RABGAP1L: variants seen among roughly 807,000 people sequenced by gnomAD.
RABGAP1L encodes rab GTPase-activating protein 1-like.
Under a neutral mutation model 137.7 loss-of-function variants are expected in RABGAP1L, and 63 were observed. The ratio of observed to expected loss-of-function variants is 0.46; its 90% CI spans 0.37 to 0.56. RABGAP1L has a LOEUF of 0.56. Ranked by LOEUF, RABGAP1L falls within the 20% of genes least tolerant of loss-of-function variation. The pLI is 0.00. For synonymous variants in RABGAP1L, 431 were observed against 433.7 expected, an observed-to-expected ratio of 0.99 and a Z score of 0.08; for missense variants, 1,095 against 1,244.0, an observed-to-expected ratio of 0.88 and a Z score of 1.80.
intron 13 of RABGAP1L, among the ~76,000 whole-genome samples, chr1:174,615,889 A>T (rs1671798622): frequency 6.6e-6 from 1 of 152,242 alleles, no homozygotes; most frequent in Admixed American, 6.5e-5. Context: ...AGCCAGGTGC[A>T]GGATATAATC....
At chr1:174,800,975 T>C (rs569084378) in intron 18 of RABGAP1L, among the ~76,000 whole-genome samples, 107 of 152,336 alleles carry the variant, frequency 7.0e-4, no homozygotes, top group Middle Eastern at 3.4e-3. Context: ...TTTTACCACC[T>C]AAAAATACTT....
Position 174,417,797 on chromosome 1 carries a change from C to T in RABGAP1L, c.1710+23652C>T, listed in dbSNP as rs182851306. ...ATATTGATTTCAAATAATAATATTA[C>T]AGTTAACATAGAAGTCTAAAAGCTG... On this transcript the variant is annotated intron_variant, in intron 13 of 25. Coordinates refer to ENST00000681986, the MANE Select transcript of RABGAP1L (RefSeq NM_001366446.1). 1.3e-3 allele frequency among the ~76,000 whole-genome samples: 190 copies of T among 151,172 alleles called. 1 individual carries two copies. Among genetic ancestry groups the T allele is most frequent in the African/African-American group, 4.5e-3 (186 of 41,300 alleles).
chr1:174,217,608 A>G (rs1238969734), intron 1 of RABGAP1L, among the ~76,000 whole-genome samples: 4 of 152,188 alleles, frequency 2.6e-5, no homozygotes, highest in Admixed American at 1.3e-4. Context: ...CCTGGCTTGT[A>G]ACACATTCTG....
intron 10 of RABGAP1L, among the ~76,000 whole-genome samples, chr1:174,295,452 C>G (rs147032501): frequency 8.6e-5 from 13 of 151,952 alleles, no homozygotes; most frequent in Admixed American, 3.3e-4. Flanking sequence ...GGCGCCATCT[C>G]AGCTCACCGC....
At chr1:174,551,757 GA>G (rs11430299) in intron 13 of RABGAP1L, among the ~76,000 whole-genome samples, 2,234 of 150,834 alleles carry the variant, frequency 0.015, 30 homozygotes, top group Middle Eastern at 0.027. Flanking sequence ...GCTATTTTTG[GA>G]AAAAAAAATT....
intron 11 of RABGAP1L, among the ~76,000 whole-genome samples, chr1:174,316,645 C>T (rs1679402627): frequency 6.6e-6 from 1 of 152,176 alleles, no homozygotes; most frequent in South Asian, 2.1e-4. Context: ...CTCTCTGTCA[C>T]CACTCCCTGG....
At chr1:174,336,882 T>A (rs200781865) in intron 11 of RABGAP1L, among the ~76,000 whole-genome samples, 78 of 130,410 alleles carry the variant, frequency 6.0e-4, no homozygotes, top group East Asian at 1.5e-3. Flanking sequence ...TGTGTGTGTG[T>A]GTGAGAGAGA....
At chr1:174,344,117 C>T (rs936076547) in intron 11 of RABGAP1L, among the ~76,000 whole-genome samples, 11 of 152,100 alleles carry the variant, frequency 7.2e-5, no homozygotes, top group African/African-American at 2.7e-4. Flanking sequence ...TTTAAATGTT[C>T]TGGAGGATGA....
chr1:174,553,966 G>A (rs1406152283), intron 13 of RABGAP1L, among the ~76,000 whole-genome samples: 1 of 152,156 alleles, frequency 6.6e-6, no homozygotes, highest in African/African-American at 2.4e-5. Flanking sequence ...ACTGCAGCCA[G>A]GGTGACAGAG....
rs961982727 is a variant in RABGAP1L at position 174,642,116 on chromosome 1, T to C, written c.1824+4628T>C. Among the ~76,000 whole-genome samples the C allele has an allele frequency of 4.6e-5, 7 of 152,280 alleles. No individual in the cohort carries two copies. The Middle Eastern group carries it at 0.02, about 444-fold the overall frequency. ...AAGTGATATTTGATGTACAATTTAA[T>C]TTGTGCATATTGCTTTTTCTCATTT... On this transcript the variant is annotated intron_variant, in intron 14 of 25. Transcript: ENST00000681986.
chr1:174,554,723 A>C (rs1666765706), intron 13 of RABGAP1L, among the ~76,000 whole-genome samples: 1 of 152,176 alleles, frequency 6.6e-6, no homozygotes, highest in African/African-American at 2.4e-5. Context: ...TAAGGAGTTA[A>C]TTTTCTGTGA....
At chr1:174,174,051 A>T (rs1272699931) in intron 1 of RABGAP1L, among the ~76,000 whole-genome samples, 2 of 152,180 alleles carry the variant, frequency 1.3e-5, no homozygotes, top group African/African-American at 4.8e-5. Context: ...GCTTATTTTT[A>T]CTTTATATAT....
chr1:174,578,080 TA>T (rs1668502077), intron 13 of RABGAP1L, among the ~76,000 whole-genome samples: 1 of 152,212 alleles, frequency 6.6e-6, no homozygotes, highest in Admixed American at 6.5e-5. Context: ...TAAAATGAAA[TA>T]AATTTTAAAA....
intron 14 of RABGAP1L, among the ~76,000 whole-genome samples, chr1:174,648,444 C>T (rs1338231418): frequency 6.6e-6 from 1 of 152,060 alleles, no homozygotes; most frequent in Non-Finnish European, 1.5e-5. Flanking sequence ...TTTATTTCCA[C>T]CTTAATTTTG....
At chr1:174,612,283 C>T (rs1426939023) in intron 13 of RABGAP1L, among the ~76,000 whole-genome samples, 1 of 152,154 alleles carries the variant, frequency 6.6e-6, no homozygotes, top group Admixed American at 6.5e-5. Context: ...TGAATTTTGT[C>T]AAAGGCCTTT....
chr1:174,614,870 C>T (rs990903865), intron 13 of RABGAP1L, among the ~76,000 whole-genome samples: 1 of 152,178 alleles, frequency 6.6e-6, no homozygotes, highest in Non-Finnish European at 1.5e-5. Flanking sequence ...TTGATCGTAT[C>T]GGCTCCTGAG....
intron 13 of RABGAP1L, among the ~76,000 whole-genome samples, chr1:174,616,292 G>T (rs753654647): frequency 2.0e-5 from 3 of 152,092 alleles, no homozygotes; most frequent in Non-Finnish European, 2.9e-5. Context: ...CATTATCTTT[G>T]GTTATGGTAC....
intron 1 of RABGAP1L, among the ~76,000 whole-genome samples, chr1:174,162,761 TTTTTTTTCTCTTTCTG>T (rs1220058811): frequency 6.9e-6 from 1 of 145,256 alleles, no homozygotes; most frequent in Non-Finnish European, 1.5e-5. Flanking sequence ...TTCTTTTTTT[TTTTTTTTCTCTTTCTG>T]TTTTTTTTTT....
chr1:174,712,694 T>A (rs542736545), intron 17 of RABGAP1L, among the ~76,000 whole-genome samples: 1 of 152,316 alleles, frequency 6.6e-6, no homozygotes, highest in Non-Finnish European at 1.5e-5. Context: ...CTCTAAGAAG[T>A]TTTCCCTGAT....
Sources: gnomAD v4.1 joint callset for allele counts (sites outside exome capture counted in the v4.1 genomes callset) on GRCh38, gnomAD v4.1.1 for gene constraint, MANE v1.5 for transcripts, NCBI Gene and HGNC (gene_info 2026-07-23, HGNC 2026-07-21) for gene names.